The following CTNNA2 variants were observed in gnomAD, a reference collection of about 807,000 sequenced individuals.
The protein encoded by CTNNA2 is catenin alpha 2, also known as catenin alpha-2.
Under a neutral mutation model 101.0 loss-of-function variants are expected in CTNNA2, and 42 were observed. That is an observed-to-expected ratio of 0.42 (90% CI 0.32 to 0.54). The LOEUF is 0.54. CTNNA2 is among the 20% of genes least tolerant of loss of function. CTNNA2 has a pLI of 0.14. For missense variants in CTNNA2, 871 were observed against 1,223.1 expected, an observed-to-expected ratio of 0.71 and a Z score of 4.29; for synonymous variants, 450 against 456.4, an observed-to-expected ratio of 0.99 and a Z score of 0.18.
intron 1 of CTNNA2, among the ~76,000 whole-genome samples, chr2:79,610,715 G>A (rs1375073841): frequency 6.6e-6 from 1 of 152,136 alleles, no homozygotes; most frequent in Non-Finnish European, 1.5e-5. Context: ...GGATGGGATG[G>A]AGAGAGGAGG....
At chr2:80,390,474 A>G (rs1007205160) in intron 7 of CTNNA2, among the ~76,000 whole-genome samples, 1 of 152,142 alleles carries the variant, frequency 6.6e-6, no homozygotes. Context: ...AGGGATACAG[A>G]TCCCACATGT....
At chr2:79,776,805 C>A (rs1377398549) in intron 3 of CTNNA2, among the ~76,000 whole-genome samples, 2 of 152,120 alleles carry the variant, frequency 1.3e-5, no homozygotes, top group Non-Finnish European at 2.9e-5. Flanking sequence ...TAATCTCTAA[C>A]CCTTTTAGTT....
chr2:80,379,326 A>G (rs1676286118), intron 7 of CTNNA2, among the ~76,000 whole-genome samples: 1 of 152,194 alleles, frequency 6.6e-6, no homozygotes, highest in Non-Finnish European at 1.5e-5. Context: ...TGGATATGAC[A>G]ATAACAGTCA....
chr2:79,794,893 G>A (rs374085515), intron 3 of CTNNA2, among the ~76,000 whole-genome samples: 5 of 152,256 alleles, frequency 3.3e-5, no homozygotes, highest in African/African-American at 9.6e-5. Flanking sequence ...ATATGGAGCC[G>A]TGCGGTTGAT....
At chr2:79,395,547 C>T (rs964263772) in intron 4 of CTNNA2, among the ~76,000 whole-genome samples, 1 of 152,098 alleles carries the variant, frequency 6.6e-6, no homozygotes, top group Non-Finnish European at 1.5e-5. Context: ...TGCCTTAGCA[C>T]CCTATGGAAA....
chr2:79,332,523 A>G (rs934773719), intron 3 of CTNNA2, among the ~76,000 whole-genome samples: 2 of 152,178 alleles, frequency 1.3e-5, no homozygotes, highest in Non-Finnish European at 2.9e-5. Flanking sequence ...TAACATTGAG[A>G]CATCAGTAGG....
At chr2:80,106,760 T>C (rs1315831006) in intron 7 of CTNNA2, among the ~76,000 whole-genome samples, 1 of 152,132 alleles carries the variant, frequency 6.6e-6, no homozygotes, top group Admixed American at 6.5e-5. Context: ...TTCCTAATGC[T>C]GCTGAGGCTC....
chr2:79,646,372 A>G (rs1429795374), intron 1 of CTNNA2, among the ~76,000 whole-genome samples: 1 of 151,924 alleles, frequency 6.6e-6, no homozygotes, highest in Non-Finnish European at 1.5e-5. Flanking sequence ...CAGGTTTTGT[A>G]TTTTCTATCA....
chr2:80,233,709 G>A (rs767710193), intron 7 of CTNNA2, among the ~76,000 whole-genome samples: 3 of 152,122 alleles, frequency 2.0e-5, no homozygotes, highest in Non-Finnish European at 2.9e-5. Flanking sequence ...TGGAAACACA[G>A]CCATGGAGAA....
At chr2:79,479,817 G>A (rs146013568) in intron 4 of CTNNA2, among the ~76,000 whole-genome samples, 295 of 152,136 alleles carry the variant, frequency 1.9e-3, no homozygotes, top group East Asian at 0.016. Context: ...CAGCTACTCC[G>A]GAGGCTGAGG....
chr2:80,010,567 G>A (rs764545565), intron 7 of CTNNA2, among the ~76,000 whole-genome samples: 11 of 152,148 alleles, frequency 7.2e-5, no homozygotes, highest in Non-Finnish European at 1.6e-4. Flanking sequence ...GCCTTCCAAA[G>A]TTCTGGGATT....
intron 2 of CTNNA2, among the ~76,000 whole-genome samples, chr2:79,733,859 T>C (rs898857861): frequency 6.6e-6 from 1 of 152,114 alleles, no homozygotes; most frequent in African/African-American, 2.4e-5. Flanking sequence ...CTCGTGTTCA[T>C]GTCAATCAAA....
rs984473251 is a variant in CTNNA2 at position 80,024,853 on chromosome 2, T to C, written c.1056+115056T>C. On this transcript the variant is annotated intron_variant, in intron 7 of 18. Transcript: ENST00000402739. ...AGCCTTTTATTTTACACTCTGTCAC[T>C]TGGTACCTGAGTTCTTGTCTGGTGT... 1.6e-4 allele frequency among the ~76,000 whole-genome samples: 25 copies of C among 152,184 alleles called. 1 individual carries two copies. The highest frequency in any genetic ancestry group is 1.6e-3 in the Admixed American group (24 of 15,284).
chr2:80,208,194 C>T (rs1707649667), intron 7 of CTNNA2, among the ~76,000 whole-genome samples: 1 of 152,200 alleles, frequency 6.6e-6, no homozygotes, highest in African/African-American at 2.4e-5. Context: ...CAATCCACTC[C>T]ATTCTCAGCC....
At chr2:80,050,698 T>C (rs974236638) in intron 7 of CTNNA2, among the ~76,000 whole-genome samples, 2 of 151,976 alleles carry the variant, frequency 1.3e-5, no homozygotes, top group Admixed American at 1.3e-4. Flanking sequence ...TTGTTATTTG[T>C]TTATTTATTT....
intron 1 of CTNNA2, among the ~76,000 whole-genome samples, chr2:79,576,630 G>T (rs574044756): frequency 2.6e-5 from 4 of 152,168 alleles, no homozygotes; most frequent in Non-Finnish European, 5.9e-5. Context: ...TGTGGGGTGT[G>T]TATGCTTCTT....
At chr2:80,504,057 G>T (rs1428328209) in intron 9 of CTNNA2, among the ~76,000 whole-genome samples, 1 of 152,176 alleles carries the variant, frequency 6.6e-6, no homozygotes, top group African/African-American at 2.4e-5. Context: ...CTCAAAGTTT[G>T]TATGGGTCAG....
At chr2:80,175,084 T>C (rs1212379033) in intron 7 of CTNNA2, among the ~76,000 whole-genome samples, 2 of 152,226 alleles carry the variant, frequency 1.3e-5, no homozygotes, top group Non-Finnish European at 2.9e-5. Flanking sequence ...CAAGACTGAC[T>C]TCACCTCTGG....
intron 7 of CTNNA2, among the ~76,000 whole-genome samples, chr2:80,227,238 A>T (rs937447157): frequency 6.6e-6 from 1 of 152,174 alleles, no homozygotes; most frequent in African/African-American, 2.4e-5. Context: ...AAGGGACACC[A>T]CCTTAGGCAT....
Sources: gnomAD v4.1 joint callset for allele counts (sites outside exome capture counted in the v4.1 genomes callset) on GRCh38, gnomAD v4.1.1 for gene constraint, MANE v1.5 for transcripts, NCBI Gene and HGNC (gene_info 2026-07-23, HGNC 2026-07-21) for gene names.